IQGAP2: variants seen among roughly 807,000 people sequenced by gnomAD.
IQGAP2 encodes ras GTPase-activating-like protein IQGAP2.
A neutral mutation model predicts 201.3 loss-of-function variants in IQGAP2; 173 were observed. The observed-to-expected ratio is 0.86, with a 90% CI of 0.76 to 0.98. The LOEUF (loss-of-function observed/expected upper bound fraction) is 0.98, where lower values mean the gene tolerates loss of function less well. IQGAP2 is among the 50% of genes least tolerant of loss of function. The pLI is 0.00. For missense variants in IQGAP2, 1,687 were observed against 1,864.8 expected, an observed-to-expected ratio of 0.90 and a Z score of 1.76; for synonymous variants, 675 against 673.9, an observed-to-expected ratio of 1.00 and a Z score of -0.03.
At chr5:76,670,457 T>C (rs1293379772) in intron 23 of IQGAP2, among the ~76,000 whole-genome samples, 3 of 152,150 alleles carry the variant, frequency 2.0e-5, no homozygotes, top group Non-Finnish European at 4.4e-5. Context: ...GAGCTTGCAG[T>C]GAGCTGAGAT....
rs145465543 is a variant in IQGAP2, at chr5:76,627,464, G to T, written c.1576G>T (p.Asp526Tyr). 2.4e-5 allele frequency: 38 copies of T among 1,599,678 alleles called. No individual in the cohort carries two copies. Among genetic ancestry groups the T allele is most frequent in the South Asian group, 5.5e-5 (5 of 90,690 alleles). Residue 526 changes from aspartate (D) to tyrosine (Y), a missense_variant, in exon 14 of 36, where the codon GAT becomes TAT. By Grantham distance (160) the Asp-to-Tyr change is radical (BLOSUM62 -3). Coordinates refer to ENST00000274364, the MANE Select transcript of IQGAP2 (RefSeq NM_006633.5). Reference sequence around the variant, plus strand: ...GCTGGATGAGATACAGCAAGCCGTCGATGATGCCAACGTGGACAAGGACAG... The same window carrying T: ...GCTGGATGAGATACAGCAAGCCGTCTATGATGCCAACGTGGACAAGGACAG... ...LWLDEIQQAV[D>Y]DANVDKDRAK...
chr5:76,462,928 A>C (rs1273546042), intron 2 of IQGAP2, among the ~76,000 whole-genome samples: 2 of 152,144 alleles, frequency 1.3e-5, no homozygotes, highest in Non-Finnish European at 2.9e-5. Context: ...TAAGATCATT[A>C]AAAACATGCT....
chr5:76,462,296 G>A (rs1445872159), intron 2 of IQGAP2, among the ~76,000 whole-genome samples: 1 of 152,196 alleles, frequency 6.6e-6, no homozygotes, highest in Non-Finnish European at 1.5e-5. Context: ...ATATCAGACT[G>A]AAGTCCATCA....
At chr5:76,663,393 G>C (rs1280416233) in intron 21 of IQGAP2, among the ~76,000 whole-genome samples, 1 of 152,156 alleles carries the variant, frequency 6.6e-6, no homozygotes, top group African/African-American at 2.4e-5. Flanking sequence ...TTTAGGAAAA[G>C]CAACTTTCTT....
intron 1 of IQGAP2, among the ~76,000 whole-genome samples, chr5:76,422,279 G>A (rs11747835): frequency 0.12 from 17,502 of 152,188 alleles, 1,400 homozygotes; most frequent in Non-Finnish European, 0.18. Flanking sequence ...CTAAGGGTGA[G>A]TGTTGATAAT....
intron 2 of IQGAP2, among the ~76,000 whole-genome samples, chr5:76,504,497 G>A (rs1295942286): frequency 3.9e-5 from 6 of 152,086 alleles, no homozygotes; most frequent in African/African-American, 1.4e-4. Context: ...TTCTCTATAT[G>A]GTATAGATGG....
chr5:76,573,625 T>G (rs111537586), intron 4 of IQGAP2, among the ~76,000 whole-genome samples: 2,805 of 152,292 alleles, frequency 0.018, 83 homozygotes, highest in African/African-American at 0.063. Flanking sequence ...TTTTTGTTGT[T>G]TTTTGAGACG....
intron 10 of IQGAP2, among the ~76,000 whole-genome samples, chr5:76,599,913 A>C (rs112911797): frequency 0.025 from 3,836 of 152,314 alleles, 62 homozygotes; most frequent in Middle Eastern, 0.048. Flanking sequence ...GGAAGAAGAT[A>C]TTAAAGGGGA....
At chr5:76,697,559 G>T (rs1212814064) in intron 32 of IQGAP2, among the ~76,000 whole-genome samples, 1 of 152,054 alleles carries the variant, frequency 6.6e-6, no homozygotes, top group Admixed American at 6.6e-5. Context: ...CAGGAGAATC[G>T]CTTGAACCTG....
intron 29 of IQGAP2, 95 bp downstream of exon 29, chr5:76,683,312 A>G (rs1201536332): frequency 4.2e-6 from 3 of 718,710 alleles, no homozygotes; most frequent in African/African-American, 3.6e-5. Context: ...AGATAAAACA[A>G]TTATTTTGGA....
chr5:76,497,807 A>G (rs1265446012), intron 2 of IQGAP2, among the ~76,000 whole-genome samples: 2 of 152,254 alleles, frequency 1.3e-5, no homozygotes, highest in African/African-American at 2.4e-5. Context: ...TTGTAAGATG[A>G]CAAGGAAGGA....
chr5:76,642,723 G>T (rs1751689375), intron 17 of IQGAP2, among the ~76,000 whole-genome samples: 1 of 152,126 alleles, frequency 6.6e-6, no homozygotes, highest in African/African-American at 2.4e-5. Context: ...TGGCTGAACT[G>T]CCCCCCAGAC....
chr5:76,488,436 A>C (rs866380402), intron 2 of IQGAP2, among the ~76,000 whole-genome samples: 9 of 152,144 alleles, frequency 5.9e-5, no homozygotes, highest in African/African-American at 2.2e-4. Flanking sequence ...CTATCTTTTA[A>C]GATTGACCTA....
chr5:76,528,253 C>T (rs930256817), intron 2 of IQGAP2, among the ~76,000 whole-genome samples: 1 of 152,176 alleles, frequency 6.6e-6, no homozygotes, highest in Admixed American at 6.6e-5. Context: ...CTCACTGTCT[C>T]GCCTGCACAA....
intron 13 of IQGAP2, chr5:76,623,481 G>T (rs567954298): frequency 1.6e-5 from 8 of 490,354 alleles, no homozygotes; most frequent in Non-Finnish European, 2.9e-5. Context: ...CTGGAGAAAG[G>T]CATTTAACTC....
intron 4 of IQGAP2, among the ~76,000 whole-genome samples, chr5:76,572,879 T>C (rs1161307770): frequency 6.6e-6 from 1 of 152,230 alleles, no homozygotes; most frequent in African/African-American, 2.4e-5. Flanking sequence ...ATTCTTTAAA[T>C]GTAATTTATT....
At chr5:76,686,050 A>G (rs1745710879) in intron 30 of IQGAP2, among the ~76,000 whole-genome samples, 1 of 152,212 alleles carries the variant, frequency 6.6e-6, no homozygotes, top group South Asian at 2.1e-4. Context: ...TCCAATGACC[A>G]GTAATGTTGA....
At chr5:76,628,758 T>C (rs943958837) in intron 14 of IQGAP2, 1 of 455,802 alleles carries the variant, frequency 2.2e-6, no homozygotes, top group Non-Finnish European at 4.4e-6. Context: ...AAAATGTGTG[T>C]ATTTCTCTAA....
At position 76,413,156 on chromosome 5, in the gene IQGAP2, C is replaced by CTTTTTTTTTTTTTTTTTTTTTTTTTT. The variant is rs567410789; in HGVS notation, c.46+9570_46+9595dup. 1.1e-3 allele frequency among the ~76,000 whole-genome samples: 89 copies of CTTTTTTTTTTTTTTTTTTTTTTTTTT among 83,696 alleles called. 1 individual carries two copies. Among genetic ancestry groups the CTTTTTTTTTTTTTTTTTTTTTTTTTT allele is most frequent in the Non-Finnish European group, 1.5e-3 (69 of 46,214 alleles). The allele number at this position is 83,696 out of a possible 152,430, so 54.9% of individuals were successfully genotyped here. A position where few individuals can be genotyped will look rare whatever the true frequency, so the allele number is the denominator to read the frequency against. ...TATTTTCTTTTTTCTTTTCTTTTCT[C>CTTTTTTTTTTTTTTTTTTTTTTTTTT]TTTTTTTTTTTTTTTTTTTTTTTTT... On this transcript the variant is annotated intron_variant, in intron 1 of 35. Transcript: ENST00000274364.
Sources: gnomAD v4.1 joint callset for allele counts (sites outside exome capture counted in the v4.1 genomes callset) on GRCh38, gnomAD v4.1.1 for gene constraint, MANE v1.5 for transcripts, NCBI Gene and HGNC (gene_info 2026-07-23, HGNC 2026-07-21) for gene names.